The following RNF220 variants were observed in gnomAD, a reference collection of about 807,000 sequenced individuals.
RNF220 encodes the protein E3 ubiquitin-protein ligase RNF220.
In RNF220, 7 loss-of-function variants were observed where a neutral mutation model predicts 67.1. The observed-to-expected ratio is 0.10, with a 90% CI of 0.06 to 0.20. The LOEUF (loss-of-function observed/expected upper bound fraction) is 0.20, where lower values mean the gene tolerates loss of function less well. Among genes scored for constraint, RNF220 ranks in the 10% least tolerant of loss-of-function variants. The pLI, the probability that RNF220 is intolerant of heterozygous loss-of-function variation, is 1.00. For missense variants in RNF220, 565 were observed against 740.3 expected (o/e 0.76, Z 2.75); for synonymous variants, 270 against 283.2 (o/e 0.95, Z 0.47).
At chr1:44,463,297 T>C (rs1653962007) in intron 2 of RNF220, among the ~76,000 whole-genome samples, 1 of 150,556 alleles carries the variant, frequency 6.6e-6, no homozygotes, top group Non-Finnish European at 1.5e-5. Context: ...ATCGCACCAT[T>C]GCTCTCCAGC....
Position 44,636,039 on chromosome 1 carries a change from T to C in RNF220, c.1003T>C (p.Ser335Pro). The C allele has an allele frequency of 6.2e-7, 1 of 1,614,188 alleles. No individual in the cohort carries two copies. Among genetic ancestry groups the C allele is most frequent in the Non-Finnish European group, 8.5e-7 (1 of 1,180,030 alleles). The change falls in exon 8 of 15, where the codon TCC becomes CCC. Residue 335 changes from serine (S) to proline (P), a missense_variant. By Grantham distance (74) the Ser-to-Pro change is moderately conservative (BLOSUM62 -1). Transcript: ENST00000361799. Reference protein sequence around the residue: ...RKQDEGQREGSCMAEDDAVDI... With the variant: ...RKQDEGQREGPCMAEDDAVDI... ...GCTCTGCTCTTCACAGAGGGAAGGC[T>C]CCTGCATGGCTGAGGATGATGCTGT... is the stretch of plus-strand genomic sequence containing the variant.
chr1:44,622,916 T>A lies in RNF220; in HGVS notation c.804+129T>A. ...CTCCAGCTTTTCTAATATCCTCAAC[T>A]ATCTCCAGGTCTTGAACATCATCCT... On this transcript the variant is annotated intron_variant, in intron 4 of 14. Coordinates refer to ENST00000361799, the MANE Select transcript of RNF220 (RefSeq NM_018150.4). This position sits in a 1 kb window ranked among gnomAD's most constrained non-coding sequence, Gnocchi z 4.3. 1 of 754,998 alleles carries A rather than the reference T, an allele frequency of 1.3e-6. No individual in the cohort carries two copies. The highest frequency in any genetic ancestry group is 2.3e-6 in the Non-Finnish European group (1 of 433,626). 46.8% of individuals were successfully genotyped at this position (754,998 alleles called of 1,614,324 possible). A position where few individuals can be genotyped will look rare whatever the true frequency, so the allele number is the denominator to read the frequency against.
At chr1:44,430,045 G>A (rs1650193984) in intron 2 of RNF220, among the ~76,000 whole-genome samples, 1 of 150,602 alleles carries the variant, frequency 6.6e-6, no homozygotes, top group Non-Finnish European at 1.5e-5. Context: ...AGAGCCGTAA[G>A]TGCTTATATG....
chr1:44,582,714 G>T (rs925162741), intron 2 of RNF220, among the ~76,000 whole-genome samples: 4 of 139,690 alleles, frequency 2.9e-5, no homozygotes, highest in Non-Finnish European at 4.5e-5. Context: ...CAAAGATCGC[G>T]TTACTGCACT....
intron 2 of RNF220, among the ~76,000 whole-genome samples, chr1:44,567,012 A>G (rs1445016494): frequency 6.6e-6 from 1 of 152,204 alleles, no homozygotes; most frequent in African/African-American, 2.4e-5. Flanking sequence ...TCTAAAGAAG[A>G]GGAAAAGCTA....
chr1:44,569,134 G>A (rs1054256170), intron 2 of RNF220, among the ~76,000 whole-genome samples: 1 of 152,156 alleles, frequency 6.6e-6, no homozygotes, highest in East Asian at 1.9e-4. Flanking sequence ...GCTAAAGAGA[G>A]GTTGTCTGTG....
At chr1:44,472,221 T>G (rs1211596693) in intron 2 of RNF220, among the ~76,000 whole-genome samples, 1 of 152,204 alleles carries the variant, frequency 6.6e-6, no homozygotes, top group Non-Finnish European at 1.5e-5. Context: ...TCAGTTCTCT[T>G]GGGTATATAT....
In RNF220 at chr1:44,622,813, TCCTGCCCATACTAA is replaced by T; in HGVS notation, c.804+30_804+43del. ...GTAGGTGGCCAATTACATGTTTTCCTCCTGCCCATACTAACCTAGGCCTACCCAGAACTGGTTCC... is the reference window on the plus strand; with the variant it reads ...GTAGGTGGCCAATTACATGTTTTCCTCCTAGGCCTACCCAGAACTGGTTCC... On this transcript the variant is annotated intron_variant, in intron 4 of 14. Coordinates refer to ENST00000361799, the MANE Select transcript of RNF220 (RefSeq NM_018150.4). The surrounding 1 kb of genome is among the most constrained non-coding windows in gnomAD (Gnocchi z 4.3). 3.7e-6 allele frequency: 6 copies of T among 1,610,702 alleles called. No individual in the cohort carries two copies. Among genetic ancestry groups the T allele is most frequent in the Non-Finnish European group, 5.1e-6 (6 of 1,176,954 alleles).
rs1278194094 is a variant in RNF220 at position 44,649,387 on chromosome 1, T to G, written c.1446-274T>G. 4.0e-6 allele frequency: 2 copies of G among 495,882 alleles called. No individual in the cohort carries two copies. Among genetic ancestry groups the G allele is most frequent in the Non-Finnish European group, 3.7e-6 (1 of 273,014 alleles). The allele number at this position is 495,882 out of a possible 1,614,324, so 30.7% of individuals were successfully genotyped here. On this transcript the variant is annotated intron_variant, in intron 12 of 14. Coordinates refer to ENST00000361799, the MANE Select transcript of RNF220 (RefSeq NM_018150.4). This position sits in a 1 kb window ranked among gnomAD's most constrained non-coding sequence, Gnocchi z 5.9. ...GGAGATACTAGGAGAGATGACAGAT[T>G]TGGGTGGTTGGGAAGACTGCGAAGG... is the stretch of plus-strand genomic sequence containing the variant.
intron 2 of RNF220, among the ~76,000 whole-genome samples, chr1:44,523,716 A>T (rs1040483508): frequency 6.6e-6 from 1 of 152,146 alleles, no homozygotes; most frequent in African/African-American, 2.4e-5. Context: ...GAAAGCAGAG[A>T]AATGTGCTGA....
At chr1:44,461,510 T>G (rs1451898094) in intron 2 of RNF220, among the ~76,000 whole-genome samples, 1 of 152,162 alleles carries the variant, frequency 6.6e-6, no homozygotes, top group Admixed American at 6.5e-5. Context: ...GGGAGTATAT[T>G]TTATATTTAG....
intron 2 of RNF220, chr1:44,545,406 ATTT>A (rs1662048253): frequency 6.5e-6 from 1 of 154,122 alleles, no homozygotes; most frequent in South Asian, 2.0e-4. Flanking sequence ...CCATTATCTA[ATTT>A]TATCCTCAGG....
intron 2 of RNF220, among the ~76,000 whole-genome samples, chr1:44,508,051 A>G (rs1478558364): frequency 6.6e-6 from 1 of 151,826 alleles, no homozygotes; most frequent in African/African-American, 2.4e-5. Context: ...AGCATTTTCA[A>G]TTAACTTTTC....
intron 2 of RNF220, among the ~76,000 whole-genome samples, chr1:44,548,731 A>G (rs1378069173): frequency 2.0e-5 from 3 of 152,080 alleles, no homozygotes; most frequent in African/African-American, 4.8e-5. Flanking sequence ...GCCTCAGGCA[A>G]TCCTCCTACT....
At chr1:44,520,801 C>T (rs768743808) in intron 2 of RNF220, among the ~76,000 whole-genome samples, 6 of 152,170 alleles carry the variant, frequency 3.9e-5, no homozygotes, top group Non-Finnish European at 8.8e-5. Flanking sequence ...TTTGTATCCC[C>T]GACATCAGGT....
chr1:44,550,216 G>A (rs550678805), intron 2 of RNF220, among the ~76,000 whole-genome samples: 11 of 152,380 alleles, frequency 7.2e-5, no homozygotes, highest in Non-Finnish European at 1.5e-4. Context: ...AGCCAAGAGG[G>A]CCAGGGGCTT....
chr1:44,461,665 T>C (rs1336657967), intron 2 of RNF220, among the ~76,000 whole-genome samples: 1 of 152,226 alleles, frequency 6.6e-6, no homozygotes, highest in African/African-American at 2.4e-5. Flanking sequence ...GCTAATTAAC[T>C]GGGTCAGGCC....
chr1:44,627,545 G>A (rs959541673), intron 5 of RNF220, among the ~76,000 whole-genome samples: 3 of 151,964 alleles, frequency 2.0e-5, no homozygotes, highest in African/African-American at 4.8e-5. Context: ...AGCTATAAAC[G>A]GACCTTCTCT....
intron 2 of RNF220, among the ~76,000 whole-genome samples, chr1:44,543,976 C>T (rs1661903559): frequency 6.6e-6 from 1 of 152,178 alleles, no homozygotes; most frequent in Non-Finnish European, 1.5e-5. Flanking sequence ...TGCATTATGC[C>T]CAGTTGCCCG....
Sources: allele counts gnomAD v4.1 joint callset (sites outside exome capture counted in the v4.1 genomes callset), GRCh38; gene constraint gnomAD v4.1.1; non-coding constraint Gnocchi (gnomAD v3.1); transcripts MANE v1.5; gene names NCBI Gene and HGNC (gene_info 2026-07-23, HGNC 2026-07-21).